Variants in DNAH6 observed in about 807,000 individuals in gnomAD.
DNAH6 encodes dynein axonemal heavy chain 6.
In DNAH6, 340 loss-of-function variants were observed where a neutral mutation model predicts 491.4. That is an observed-to-expected ratio of 0.69 (90% CI 0.63 to 0.76). DNAH6 has a LOEUF of 0.76. Ranked by LOEUF, DNAH6 falls within the 30% of genes least tolerant of loss-of-function variation. DNAH6 has a pLI of 0.00. For synonymous variants in DNAH6, 1,603 were observed against 1,686.1 expected, an observed-to-expected ratio of 0.95 and a Z score of 1.21; for missense variants, 4,443 against 4,972.2, an observed-to-expected ratio of 0.89 and a Z score of 3.20.
chr2:84,796,806 G>A (rs1432394089), intron 69 of DNAH6, among the ~76,000 whole-genome samples: 1 of 151,978 alleles, frequency 6.6e-6, no homozygotes, highest in Non-Finnish European at 1.5e-5. Context: ...AATCCAGCCT[G>A]GGCAACATAA....
chr2:84,666,572 A>T (rs539779690), intron 37 of DNAH6, among the ~76,000 whole-genome samples: 3 of 152,294 alleles, frequency 2.0e-5, no homozygotes, highest in Admixed American at 1.3e-4. Context: ...TTCAAGGAGA[A>T]CTACAAATCA....
intron 15 of DNAH6, among the ~76,000 whole-genome samples, chr2:84,586,410 A>G (rs1335111425): frequency 1.3e-5 from 2 of 152,166 alleles, no homozygotes; most frequent in African/African-American, 4.8e-5. Context: ...TAAATTTCCT[A>G]TTTTTGAACT....
intron 52 of DNAH6, 36 bp from the exon 53 acceptor site, chr2:84,706,860 T>A: frequency 6.6e-7 from 1 of 1,514,670 alleles, no homozygotes; most frequent in Non-Finnish European, 8.8e-7. Context: ...AGCCTTTTTT[T>A]GGCCCTGTTC....
intron 49 of DNAH6, 30 bp from the exon 50 acceptor site, chr2:84,703,365 A>G: frequency 6.8e-7 from 1 of 1,459,992 alleles, no homozygotes; most frequent in Non-Finnish European, 9.1e-7. Flanking sequence ...TATAATGCTC[A>G]TTATAATATA....
chr2:84,587,539 A>G (rs1044249980), intron 15 of DNAH6, among the ~76,000 whole-genome samples: 1 of 152,234 alleles, frequency 6.6e-6, no homozygotes, highest in Non-Finnish European at 1.5e-5. Context: ...AAAGGACTGT[A>G]ACTTCATCAT....
At chr2:84,553,276 C>A (rs914912756) in intron 10 of DNAH6, among the ~76,000 whole-genome samples, 1 of 152,120 alleles carries the variant, frequency 6.6e-6, no homozygotes, top group Admixed American at 6.5e-5. Context: ...ACATTCTATA[C>A]AAAATTTAAA....
chr2:84,648,661 A>G (rs1352589536), intron 33 of DNAH6, among the ~76,000 whole-genome samples: 2 of 152,186 alleles, frequency 1.3e-5, no homozygotes, highest in Non-Finnish European at 2.9e-5. Flanking sequence ...GATGTGACTG[A>G]ATTGCTGCGA....
At chr2:84,645,423 A>T (rs559818260) in intron 33 of DNAH6, among the ~76,000 whole-genome samples, 57 of 152,006 alleles carry the variant, frequency 3.7e-4, no homozygotes, top group African/African-American at 1.3e-3. Flanking sequence ...CTGTCTCAAA[A>T]AATAATAATA....
chr2:84,777,763 A>G (rs1676288411), intron 64 of DNAH6: 7 of 917,526 alleles, frequency 7.6e-6, no homozygotes, highest in Middle Eastern at 2.1e-4. Context: ...CCAGATTGCA[A>G]CCACTTCCAA....
At chr2:84,677,275 T>C (rs1693332971) in intron 41 of DNAH6, 139 bp downstream of exon 41, 2 of 1,106,478 alleles carry the variant, frequency 1.8e-6, no homozygotes, top group Non-Finnish European at 2.6e-6. Flanking sequence ...CAGGTAAATA[T>C]GGACTCCTGG....
chr2:84,690,936 C>T (rs923208155), intron 45 of DNAH6, among the ~76,000 whole-genome samples: 3 of 152,260 alleles, frequency 2.0e-5, no homozygotes, highest in Admixed American at 6.5e-5. Context: ...AGTCTTTTAA[C>T]TCGGGGGGAA....
At chr2:84,590,626 A>G (rs7563896) in intron 16 of DNAH6, among the ~76,000 whole-genome samples, 24 of 152,106 alleles carry the variant, frequency 1.6e-4, no homozygotes, top group African/African-American at 5.8e-4. Flanking sequence ...CCTTGGACAC[A>G]CTGACTCAAC....
At chr2:84,701,009 G>C (rs1695850644) in intron 48 of DNAH6, 88 bp from the exon 49 acceptor site, 2 of 1,442,622 alleles carry the variant, frequency 1.4e-6, no homozygotes, top group African/African-American at 2.8e-5. Flanking sequence ...GCAGGGAGGA[G>C]TTCCCGAGAA....
intron 22 of DNAH6, among the ~76,000 whole-genome samples, chr2:84,615,308 T>G (rs1686742068): frequency 6.6e-6 from 1 of 152,154 alleles, no homozygotes; most frequent in African/African-American, 2.4e-5. Context: ...TCCCACTTTA[T>G]GTTTTTGTTT....
At chr2:84,802,142 A>G (rs1678983390) in intron 70 of DNAH6, among the ~76,000 whole-genome samples, 2 of 152,210 alleles carry the variant, frequency 1.3e-5, no homozygotes, top group African/African-American at 4.8e-5. Context: ...GCATAAAGCA[A>G]CTACACAATC....
intron 71 of DNAH6, among the ~76,000 whole-genome samples, chr2:84,807,790 T>C (rs1361875701): frequency 1.3e-5 from 2 of 152,160 alleles, no homozygotes; most frequent in Admixed American, 6.5e-5. Flanking sequence ...CATTCCACAT[T>C]GGAGACCTTT....
intron 11 of DNAH6, among the ~76,000 whole-genome samples, chr2:84,563,835 C>T (rs1680905921): frequency 6.6e-6 from 1 of 152,104 alleles, no homozygotes; most frequent in South Asian, 2.1e-4. Context: ...TGAGATTGTA[C>T]ATTTAAATCT....
intron 11 of DNAH6, among the ~76,000 whole-genome samples, chr2:84,562,003 TAA>T (rs1303522874): frequency 1.3e-5 from 2 of 151,820 alleles, no homozygotes; most frequent in East Asian, 3.9e-4. Context: ...TATATAAGCC[TAA>T]AAAAAGATAG....
intron 75 of DNAH6, 118 bp downstream of exon 75, chr2:84,814,240 CAGGGT>C: frequency 9.2e-7 from 1 of 1,091,590 alleles, no homozygotes; most frequent in Non-Finnish European, 1.3e-6. Flanking sequence ...GCAGGAAGGG[CAGGGT>C]AGTAATCACA....
Sources: gnomAD v4.1 joint callset for allele counts (sites outside exome capture counted in the v4.1 genomes callset) on GRCh38, gnomAD v4.1.1 for gene constraint, MANE v1.5 for transcripts, NCBI Gene and HGNC (gene_info 2026-07-23, HGNC 2026-07-21) for gene names.